Variants in PPM1M observed in about 807,000 individuals in gnomAD.
The protein encoded by PPM1M is protein phosphatase, Mg2+/Mn2+ dependent 1M.
In PPM1M, 44 loss-of-function variants were observed where a neutral mutation model predicts 50.8. The ratio of observed to expected loss-of-function variants is 0.87; its 90% CI spans 0.68 to 1.11. The LOEUF is 1.11. Ranked by LOEUF, PPM1M falls within the 50% of genes most tolerant of loss-of-function variation. The pLI, the probability that PPM1M is intolerant of heterozygous loss-of-function variation, is 0.00. For synonymous variants in PPM1M, 224 were observed against 242.9 expected (o/e 0.92, Z 0.72); for missense variants, 556 against 593.4 (o/e 0.94, Z 0.66).
intron 4 of PPM1M, 45 bp downstream of exon 4, chr3:52,247,839 C>A: frequency 9.1e-7 from 1 of 1,095,648 alleles, no homozygotes; most frequent in East Asian, 2.5e-5. Flanking sequence ...ATGGGGAGGG[C>A]ATAAGCAGCA....
At position 52,248,462 on chromosome 3, in the gene PPM1M, G is replaced by C; in HGVS notation, c.914+9G>C. The C allele has an allele frequency of 6.2e-7, 1 of 1,610,550 alleles. No homozygotes were observed. The highest frequency in any genetic ancestry group is 8.5e-7 in the Non-Finnish European group (1 of 1,177,190). Reference sequence around the variant, plus strand: ...CACCACATGAGTGGCTGGTGAGTGGGGATGGGGGACAGGTAGGAAGGGAGA... The same window carrying C: ...CACCACATGAGTGGCTGGTGAGTGGCGATGGGGGACAGGTAGGAAGGGAGA... On this transcript the variant is annotated intron_variant, in intron 6 of 9. Transcript: ENST00000323588.
chr3:52,245,993 C>A lies in PPM1M; in HGVS notation c.169C>A (p.Pro57Thr). 8.0e-7 allele frequency: 1 copy of A among 1,243,588 alleles called. No homozygotes were observed. The highest frequency in any genetic ancestry group is 2.7e-5 in the Admixed American group (1 of 37,328). The allele number at this position is 1,243,588 out of a possible 1,614,324, so 77.0% of individuals were successfully genotyped here. The change falls in exon 1 of 10, where the codon CCC (proline) becomes ACC (threonine). Residue 57 changes from proline to threonine, a missense_variant. Physicochemically the swap from Pro to Thr is conservative, Grantham distance 38 (BLOSUM62 -1). Transcript: ENST00000323588. This position sits in a 1 kb window ranked among gnomAD's most constrained non-coding sequence, Gnocchi z 4.8. ...CGCCTCGCGCCGCCCAGACTCCCGGCCCGTGCGCAGCCCCGCACGAGGACG... is the reference window on the plus strand; with the variant it reads ...CGCCTCGCGCCGCCCAGACTCCCGGACCGTGCGCAGCCCCGCACGAGGACG... ...ADASRRPDSRPVRSPARGRTL... is the reference protein window; with the variant it reads ...ADASRRPDSRTVRSPARGRTL...
rs755625825 is a variant in PPM1M, at chr3:52,247,680, A to G, written c.598-2A>G. 6.3e-7 allele frequency: 1 copy of G among 1,592,048 alleles called. No individual in the cohort carries two copies. Among genetic ancestry groups the G allele is most frequent in the Non-Finnish European group, 8.6e-7 (1 of 1,167,876 alleles). On this transcript the variant is annotated splice_acceptor_variant, in intron 3 of 9. Coordinates refer to ENST00000323588, the MANE Select transcript of PPM1M (RefSeq NM_144641.4). LOFTEE classifies it high-confidence loss of function. ...AGCTAAGGTGGCCTCGGTTTTCCCC[A>G]GGATGAGGTGATCGGGCGGGAGCTG...
intron 1 of PPM1M, 149 bp from the exon 2 acceptor site, chr3:52,246,546 A>C (rs1699859412): frequency 1.0e-5 from 5 of 491,524 alleles, no homozygotes; most frequent in South Asian, 9.8e-5. Context: ...GGAAGCTTAC[A>C]TCGTGGTTGT....
In PPM1M at chr3:52,248,224, G is replaced by A. The variant is rs763280867; in HGVS notation, c.782G>A (p.Arg261Gln). The A allele has an allele frequency of 8.7e-6, 14 of 1,613,154 alleles. No individual in the cohort carries two copies. Among genetic ancestry groups the A allele is most frequent in the Admixed American group, 5.0e-5 (3 of 59,884 alleles). Residue 261 changes from arginine (R) to glutamine (Q), a missense_variant, in exon 5 of 10, where the codon CGG becomes CAG. Transcript: ENST00000323588. ...TTCACCCCAGAGACTGAGCGGCAGCGGATCCAGCAGCTGGTAGGTGCCCTT... is the reference window on the plus strand; with the variant it reads ...TTCACCCCAGAGACTGAGCGGCAGCAGATCCAGCAGCTGGTAGGTGCCCTT... The part of the protein sequence containing the change: ...FEFTPETERQ[R>Q]IQQLAFVYPE...
At position 52,248,469 on chromosome 3, in the gene PPM1M, G is replaced by A. The variant is rs910841495; in HGVS notation, c.914+16G>A. The A allele has an allele frequency of 2.5e-6, 4 of 1,607,998 alleles. No homozygotes were observed. The highest frequency in any genetic ancestry group is 3.4e-6 in the Non-Finnish European group (4 of 1,174,990). On this transcript the variant is annotated intron_variant, in intron 6 of 9. Coordinates refer to ENST00000323588, the MANE Select transcript of PPM1M (RefSeq NM_144641.4). Reference sequence around the variant, plus strand: ...TGAGTGGCTGGTGAGTGGGGATGGGGGACAGGTAGGAAGGGAGACCCCTGG... The same window carrying A: ...TGAGTGGCTGGTGAGTGGGGATGGGAGACAGGTAGGAAGGGAGACCCCTGG...
Position 52,249,594 on chromosome 3 carries a change from G to A in PPM1M, c.1236-76G>A, listed in dbSNP as rs535153068. The A allele has an allele frequency of 1.6e-4, 249 of 1,590,516 alleles. No homozygotes were observed. In the African/African-American group the frequency reaches 2.8e-3, roughly 18 times the overall value. ...CTTGGGTCCCCATGTCCAGCCTTGT[G>A]CAGTGAGTTCTCCTAAGGTCTGGCC... On this transcript the variant is annotated intron_variant, in intron 9 of 9. Transcript: ENST00000323588.
chr3:52,249,380 G>A (rs1248204300), intron 9 of PPM1M, 58 bp downstream of exon 9: 4 of 1,548,888 alleles, frequency 2.6e-6, no homozygotes, highest in Non-Finnish European at 2.6e-6. Flanking sequence ...GCAAGCCCAA[G>A]TAGTTATGGC....
Position 52,250,013 on chromosome 3 carries a change from G to C in PPM1M, c.*199G>C. On this transcript the variant is annotated 3_prime_UTR_variant, in exon 10 of 10. Transcript: ENST00000323588. ...GAGCTGGAAGTGTATGGAGAGCCCA[G>C]CCCACCAGGTCCTGCCTTTTGCGGT... The C allele has an allele frequency of 1.8e-6, 1 of 557,860 alleles. No homozygotes were observed. Among genetic ancestry groups the C allele is most frequent in the Non-Finnish European group, 3.2e-6 (1 of 312,384 alleles). The allele number at this position is 557,860 out of a possible 1,614,324, so 34.6% of individuals were successfully genotyped here.
Position 52,246,875 on chromosome 3 carries a change from C to G in PPM1M, c.342+63C>G, listed in dbSNP as rs986083035. On this transcript the variant is annotated intron_variant, in intron 2 of 9. Transcript: ENST00000323588. ...ACAGGCTGGGGCCACGACCTGCAGG[C>G]TGAGGTTCTTACCCTGCTGCCCCAG... 2.0e-6 allele frequency: 3 copies of G among 1,497,574 alleles called. No individual in the cohort carries two copies. The Admixed American group carries it at 6.1e-5, about 30-fold the overall frequency. The allele number at this position is 1,497,574 out of a possible 1,614,324, so 92.8% of individuals were successfully genotyped here.
Position 52,248,629 on chromosome 3 carries a change from C to A in PPM1M, c.915-8C>A. 1 of 1,613,798 alleles carries A rather than the reference C, an allele frequency of 6.2e-7. No homozygotes were observed. Among genetic ancestry groups the A allele is most frequent in the Non-Finnish European group, 8.5e-7 (1 of 1,179,806 alleles). On this transcript the variant is annotated splice_region_variant and splice_polypyrimidine_tract_variant and intron_variant, in intron 6 of 9. Transcript: ENST00000323588. ...GGCTTGGGTTGATGCTGGCTCTGCT[C>A]CTGGTAGGAGCTACAAACGTGTGGA...
rs1699898571 is a variant in PPM1M at position 52,248,337 on chromosome 3, C to G, written c.798C>G (p.Ala266=). ...ETERQRIQQL[A]FVYPELLAGE... is the part of the protein sequence containing the mutation. ...TGAGCGCAGCCTCCCCACCCCAGGC[C>G]TTTGTCTATCCTGAGCTTCTGGCTG... Residue 266 remains alanine (A), a splice_region_variant and synonymous_variant, in exon 6 of 10, where the codon GCC becomes GCG. Coordinates refer to ENST00000323588, the MANE Select transcript of PPM1M (RefSeq NM_144641.4). The G allele has an allele frequency of 1.9e-6, 3 of 1,611,658 alleles. No homozygotes were observed. The highest frequency in any genetic ancestry group is 1.3e-5 in the African/African-American group (1 of 75,006).
Position 52,249,270 on chromosome 3 carries a change from G to A in PPM1M, c.1183G>A (p.Val395Met), listed in dbSNP as rs766997646. The A allele has an allele frequency of 6.2e-7, 1 of 1,613,578 alleles. No homozygotes were observed. Among genetic ancestry groups the A allele is most frequent in the South Asian group, 1.1e-5 (1 of 90,958 alleles). Residue 395 changes from valine to methionine, a missense_variant, in exon 9 of 10, where the codon GTG (valine) becomes ATG (methionine). Physicochemically the swap from Val to Met is conservative, Grantham distance 21. Transcript: ENST00000323588. The part of the protein sequence containing the change: ...GLWDVLSNEQ[V>M]AWLVRSFLPG... ...CTGGGATGTACTGTCCAACGAGCAG[G>A]TGGCATGGCTGGTGCGGAGCTTCCT...
chr3:52,247,200 G>T lies in PPM1M; in HGVS notation c.569G>T (p.Gly190Val). The change falls in exon 3 of 10, where the codon GGG (glycine) becomes GTG (valine). Residue 190 changes from glycine to valine, a missense_variant. Physicochemically the swap from Gly to Val is moderately radical, Grantham distance 109 (BLOSUM62 -3). Transcript: ENST00000323588. ...ATCAGGGCAGAAGACTTGGTGATCGGGGCATTGGAGAGTGCCTTTCAGGAA... is the reference window on the plus strand; with the variant it reads ...ATCAGGGCAGAAGACTTGGTGATCGTGGCATTGGAGAGTGCCTTTCAGGAA... ...KGIRAEDLVI[G>V]ALESAFQECD... 6.2e-7 allele frequency: 1 copy of T among 1,613,242 alleles called. No individual in the cohort carries two copies.
chr3:52,246,560 A>T lies in PPM1M; in HGVS notation c.225-135A>T, dbSNP rs554663621. ...AGGAAGCTTACATCGTGGTTGTCTA[A>T]GTGTGTGTTAGGGACAGCACTGGGG... is the stretch of plus-strand genomic sequence containing the variant. On this transcript the variant is annotated intron_variant, in intron 1 of 9. Coordinates refer to ENST00000323588, the MANE Select transcript of PPM1M (RefSeq NM_144641.4). The T allele has an allele frequency of 3.2e-5, 16 of 507,446 alleles. No individual in the cohort carries two copies. The East Asian group carries it at 7.8e-4, about 25-fold the overall frequency. 31.4% of individuals were successfully genotyped at this position (507,446 alleles called of 1,614,324 possible).
At chr3:52,249,085 A>C (rs902416922) in intron 8 of PPM1M, 22 bp downstream of exon 8, 7 of 1,608,006 alleles carry the variant, frequency 4.4e-6, no homozygotes, top group Non-Finnish European at 5.1e-6. Flanking sequence ...ACGCTGTCCA[A>C]CCCAGCTTCC....
At position 52,248,991 on chromosome 3, in the gene PPM1M, C is replaced by A; in HGVS notation, c.1014C>A (p.Gly338=). The A allele has an allele frequency of 6.2e-7, 1 of 1,610,452 alleles. No individual in the cohort carries two copies. Among genetic ancestry groups the A allele is most frequent in the Non-Finnish European group, 8.5e-7 (1 of 1,178,382 alleles). ...TAGGAACACTGGCTGTCTCCCGGGG[C>A]CTGGGAGACCATCAGCTCAGAGTCC... The part of the protein sequence containing the change: ...RLLGTLAVSR[G]LGDHQLRVLD... Residue 338 remains glycine, a synonymous_variant, in exon 8 of 10, where the codon GGC becomes GGA. Transcript: ENST00000323588.
intron 5 of PPM1M, 27 bp from the exon 6 acceptor site, chr3:52,248,308 G>A: frequency 6.2e-7 from 1 of 1,605,372 alleles, no homozygotes; most frequent in Non-Finnish European, 8.5e-7. Flanking sequence ...GAAGGAGTAT[G>A]ACCTGAGCGC....
chr3:52,247,066 C>T lies in PPM1M; in HGVS notation c.435C>T (p.Arg145=). ...LAANTLHSCL[R]RQLEAVVEGL... Reference sequence around the variant, plus strand: ...CCAACACCCTGCACTCCTGCTTGCGCCGGCAGCTGGAGGCCGTGGTGGAAG... The same window carrying T: ...CCAACACCCTGCACTCCTGCTTGCGTCGGCAGCTGGAGGCCGTGGTGGAAG... Residue 145 remains arginine (R), a synonymous_variant, in exon 3 of 10, where the codon CGC becomes CGT. Transcript: ENST00000323588. 6.4e-7 allele frequency: 1 copy of T among 1,566,314 alleles called. No individual in the cohort carries two copies. Among genetic ancestry groups the T allele is most frequent in the Non-Finnish European group, 8.7e-7 (1 of 1,155,312 alleles).
Sources: gnomAD v4.1 joint callset for allele counts on GRCh38, gnomAD v4.1.1 for gene constraint, Gnocchi (gnomAD v3.1) non-coding constraint, MANE v1.5 for transcripts, NCBI Gene and HGNC (gene_info 2026-07-23, HGNC 2026-07-21) for gene names.